Variants in VRK3 observed in about 807,000 individuals in gnomAD.
The protein encoded by VRK3 is serine/threonine-protein kinase VRK3.
A neutral mutation model predicts 60.4 loss-of-function variants in VRK3; 50 were observed. The observed-to-expected ratio is 0.83, with a 90% confidence interval of 0.66 to 1.05. VRK3 has a LOEUF of 1.05. Ranked by LOEUF, VRK3 falls within the 50% of genes least tolerant of loss-of-function variation. VRK3 has a pLI of 0.00. For missense variants in VRK3, 549 were observed against 585.3 expected (o/e 0.94, Z 0.64); for synonymous variants, 246 against 227.8 (o/e 1.08, Z -0.72).
In VRK3 at chr19:49,994,796, C is replaced by A; in HGVS notation, c.870+18G>T. ...TGCCCTCCCTGACGCGGCAGCTGAGCAACTTCTGGGTACGCACCAGCCGGC... is the reference window on the plus strand; with the variant it reads ...TGCCCTCCCTGACGCGGCAGCTGAGAAACTTCTGGGTACGCACCAGCCGGC... On this transcript the variant is annotated intron_variant, in intron 9 of 14. Transcript: ENST00000316763. The A allele has an allele frequency of 6.2e-7, 1 of 1,606,694 alleles. No homozygotes were observed. Among genetic ancestry groups the A allele is most frequent in the Non-Finnish European group, 8.5e-7 (1 of 1,175,468 alleles).
chr19:49,988,773 C>T (rs7254850), intron 11 of VRK3, among the ~76,000 whole-genome samples: 7,980 of 152,224 alleles, frequency 0.052, 688 homozygotes, highest in African/African-American at 0.18. Flanking sequence ...CCTCAGCACC[C>T]GTGTGCCAGG....
intron 3 of VRK3, among the ~76,000 whole-genome samples, chr19:50,011,558 C>T (rs566838194): frequency 6.6e-6 from 1 of 152,326 alleles, no homozygotes; most frequent in East Asian, 1.9e-4. Context: ...TTGGTAGAAG[C>T]TCTTCCGCAG....
At chr19:49,995,972 A>T (rs1316762239) in intron 7 of VRK3, among the ~76,000 whole-genome samples, 1 of 151,910 alleles carries the variant, frequency 6.6e-6, no homozygotes, top group African/African-American at 2.4e-5. Flanking sequence ...ACCAGGCTGG[A>T]GAGCAGTGGC....
intron 5 of VRK3, among the ~76,000 whole-genome samples, chr19:50,004,546 T>C (rs891733664): frequency 1.3e-5 from 2 of 152,168 alleles, no homozygotes; most frequent in Non-Finnish European, 2.9e-5. Flanking sequence ...TGTACCCCAG[T>C]TGCAGGATGG....
chr19:49,986,582 G>C (rs2076519589), intron 12 of VRK3: 1 of 152,526 alleles, frequency 6.6e-6, no homozygotes, highest in African/African-American at 2.4e-5. Flanking sequence ...AAGTGTGCTT[G>C]AGCAGCTGTC....
At chr19:49,997,352 T>A in intron 7 of VRK3, 152 bp downstream of exon 7, 1 of 717,536 alleles carries the variant, frequency 1.4e-6, no homozygotes, top group Non-Finnish European at 2.3e-6. Flanking sequence ...GCCTGAGGGG[T>A]CACAGGAGTC....
At position 50,009,429 on chromosome 19, in the gene VRK3, C is replaced by T. The variant is rs778183831; in HGVS notation, c.140-44G>A. On this transcript the variant is annotated intron_variant, in intron 3 of 14. Transcript: ENST00000316763. ...AATGCAGACTGGAGTTACAAAGGCC[C>T]CTCTGCAGGCACCATTGGACTGGGA... is the stretch of plus-strand genomic sequence containing the variant. The T allele has an allele frequency of 6.0e-5, 96 of 1,605,480 alleles. 1 individual carries two copies. The South Asian group carries it at 1.0e-3, about 17-fold the overall frequency.
chr19:49,990,701 G>A (rs1370397717), intron 10 of VRK3, among the ~76,000 whole-genome samples: 1 of 151,360 alleles, frequency 6.6e-6, no homozygotes, highest in East Asian at 1.9e-4. Flanking sequence ...ACAACTGTTG[G>A]TTTTGTCTAT....
At chr19:50,006,320 A>AAATAATAAATAAT (rs1568802388) in intron 5 of VRK3, among the ~76,000 whole-genome samples, 1 of 137,166 alleles carries the variant, frequency 7.3e-6, no homozygotes, top group African/African-American at 3.6e-5. Context: ...AAAAAAATAA[A>AAATAATAAATAAT]AAATAATAAA....
chr19:50,022,662 T>C (rs2115508), intron 1 of VRK3, among the ~76,000 whole-genome samples: 59,575 of 150,736 alleles, frequency 0.4, 12,903 homozygotes, highest in East Asian at 0.74. Flanking sequence ...GGCGTGGTGG[T>C]GGGCACCCGT....
chr19:49,979,407 T>C (rs2076386775), intron 13 of VRK3, among the ~76,000 whole-genome samples, 165 bp from the exon 14 acceptor site: 3 of 152,160 alleles, frequency 2.0e-5, no homozygotes, highest in South Asian at 2.1e-4. Flanking sequence ...AGGACTTCAA[T>C]TGTTTTTCAG....
intron 3 of VRK3, chr19:50,015,721 G>C (rs1425955473): frequency 1.1e-5 from 4 of 373,154 alleles, no homozygotes; most frequent in Non-Finnish European, 2.0e-5. Context: ...TTCGGATAAG[G>C]GATACTCAAC....
At chr19:50,016,198 G>A (rs769346573) in intron 2 of VRK3, 35 bp from the exon 3 acceptor site, 9 of 1,611,164 alleles carry the variant, frequency 5.6e-6, no homozygotes, top group Admixed American at 1.7e-5. Flanking sequence ...AAAGTGAAAC[G>A]GGCCAGCTGA....
At chr19:49,998,977 G>A (rs76701658) in intron 6 of VRK3, 30 of 62,900 alleles carry the variant, frequency 4.8e-4, no homozygotes, top group Admixed American at 1.0e-3. Context: ...AAAAAAAAAA[G>A]CTGGACGTGG....
chr19:50,007,858 A>G, intron 4 of VRK3, 32 bp from the exon 5 acceptor site: 1 of 1,612,914 alleles, frequency 6.2e-7, no homozygotes, highest in Non-Finnish European at 8.5e-7. Flanking sequence ...AAGTAAAAGC[A>G]CCATCCAGGA....
rs114609315 is a variant in VRK3 at position 49,997,311 on chromosome 19, C to T, written c.679+193G>A. 272 of 532,882 alleles carry T rather than the reference C, an allele frequency of 5.1e-4. 2 individuals carry two copies. Among genetic ancestry groups the T allele is most frequent in the African/African-American group, 4.9e-3 (252 of 51,672 alleles). 33.0% of individuals were successfully genotyped at this position (532,882 alleles called of 1,614,324 possible). A position where few individuals can be genotyped will look rare whatever the true frequency, so the allele number is the denominator to read the frequency against. On this transcript the variant is annotated intron_variant, in intron 7 of 14. Coordinates refer to ENST00000316763, the MANE Select transcript of VRK3 (RefSeq NM_016440.4). ...AAATTTAATACTTGGCTTCCAAGAG[C>T]TGGTGTGAGCCAGTCACAACACACA... is the stretch of plus-strand genomic sequence containing the variant.
chr19:49,992,767 C>G, intron 10 of VRK3, 93 bp downstream of exon 10: 1 of 1,168,866 alleles, frequency 8.6e-7, no homozygotes, highest in Non-Finnish European at 1.2e-6. Context: ...AATCCTTTGT[C>G]TGTAATAAGC....
At position 50,009,242 on chromosome 19, in the gene VRK3, A is replaced by T. The variant is rs2076955026; in HGVS notation, c.283T>A (p.Ser95Thr). Residue 95 changes from serine (S) to threonine (T), a missense_variant, in exon 4 of 15, where the codon TCC becomes ACC. Ser to Thr is a moderately conservative substitution (Grantham distance 58, BLOSUM62 1). Transcript: ENST00000316763. ...GATAGACCTTAACTCTTACCTTTGG[A>T]TCTCTCAGAGGAACTCAGAGTATCT... ...SEDTLSSSER[S>T]KGSGSRPPTP... The T allele has an allele frequency of 6.2e-7, 1 of 1,613,974 alleles. No individual in the cohort carries two copies. The highest frequency in any genetic ancestry group is 1.1e-5 in the South Asian group (1 of 91,042).
At chr19:50,000,528 C>A in intron 6 of VRK3, 1 of 529,514 alleles carries the variant, frequency 1.9e-6, no homozygotes, top group Non-Finnish European at 3.4e-6. Flanking sequence ...GGAAACTGAG[C>A]TCTGAGGGGG....
Sources: allele counts gnomAD v4.1 joint callset (sites outside exome capture counted in the v4.1 genomes callset), GRCh38; gene constraint gnomAD v4.1.1; transcripts MANE v1.5; gene names NCBI Gene and HGNC (gene_info 2026-07-23, HGNC 2026-07-21).